Variants in SMURF2 observed in about 807,000 individuals in gnomAD.
SMURF2 encodes the protein SMAD specific E3 ubiquitin protein ligase 2, also known as E3 ubiquitin-protein ligase SMURF2.
A neutral mutation model predicts 109.6 loss-of-function variants in SMURF2; 48 were observed. The observed-to-expected ratio is 0.44, with a 90% CI of 0.35 to 0.56. The LOEUF (loss-of-function observed/expected upper bound fraction) is 0.56, where lower values mean the gene tolerates loss of function less well. Among genes scored for constraint, SMURF2 ranks in the 20% least tolerant of loss-of-function variants. The probability of loss-of-function intolerance (pLI) is 0.01; values close to 1 mark genes in which losing one functional copy is unlikely to be tolerated. For synonymous variants in SMURF2, 288 were observed against 317.1 expected, an observed-to-expected ratio of 0.91 and a Z score of 0.97; for missense variants, 575 against 909.0, an observed-to-expected ratio of 0.63 and a Z score of 4.72.
intron 9 of SMURF2, among the ~76,000 whole-genome samples, chr17:64,577,941 CTTTT>C (rs1157721982): frequency 1.7e-5 from 2 of 121,208 alleles, no homozygotes; most frequent in Middle Eastern, 4.2e-3. Context: ...TTTCATTCCA[CTTTT>C]TTTTTTTTTT....
intron 1 of SMURF2, among the ~76,000 whole-genome samples, chr17:64,607,417 G>A (rs934003354): frequency 4.0e-5 from 6 of 151,826 alleles, no homozygotes; most frequent in Non-Finnish European, 7.4e-5. Flanking sequence ...CACAATGTCA[G>A]GAGTTCGAGA....
At chr17:64,653,628 T>C (rs1178639453) in intron 1 of SMURF2, among the ~76,000 whole-genome samples, 1 of 152,046 alleles carries the variant, frequency 6.6e-6, no homozygotes, top group Admixed American at 6.6e-5. Flanking sequence ...CTGTATTTTT[T>C]GTAGAGACGG....
chr17:64,628,902 C>T (rs1970301058), intron 1 of SMURF2, among the ~76,000 whole-genome samples: 3 of 152,286 alleles, frequency 2.0e-5, no homozygotes, highest in Admixed American at 6.5e-5. Flanking sequence ...TATCACAGTT[C>T]TATCTCCTCC....
At chr17:64,553,717 T>G (rs782381343) in intron 15 of SMURF2, among the ~76,000 whole-genome samples, 3 of 152,212 alleles carry the variant, frequency 2.0e-5, no homozygotes, top group Non-Finnish European at 4.4e-5. Context: ...ATTGACCGTC[T>G]TTCCCCGTAT....
At chr17:64,586,568 G>A (rs1969658489) in intron 5 of SMURF2, among the ~76,000 whole-genome samples, 1 of 151,184 alleles carries the variant, frequency 6.6e-6, no homozygotes. Flanking sequence ...CTAACACAGG[G>A]TGAAATCCCG....
At chr17:64,660,900 T>C (rs1331840382) in intron 1 of SMURF2, 1 of 152,126 alleles carries the variant, frequency 6.6e-6, no homozygotes, top group African/African-American at 2.4e-5. Flanking sequence ...AAGCAAAACG[T>C]ACCTGTAATG....
intron 1 of SMURF2, among the ~76,000 whole-genome samples, chr17:64,620,036 A>G (rs1555690505): frequency 2.6e-5 from 4 of 152,184 alleles, no homozygotes; most frequent in Admixed American, 1.3e-4. Context: ...CAGCTTCCCT[A>G]GTGAACCTGC....
intron 1 of SMURF2, among the ~76,000 whole-genome samples, chr17:64,652,464 T>A (rs1970653303): frequency 6.6e-6 from 1 of 152,174 alleles, no homozygotes; most frequent in Non-Finnish European, 1.5e-5. Flanking sequence ...AGAAATAGAA[T>A]TCTATGTATA....
At chr17:64,630,079 T>C (rs911678448) in intron 1 of SMURF2, among the ~76,000 whole-genome samples, 1 of 151,756 alleles carries the variant, frequency 6.6e-6, no homozygotes, top group Admixed American at 6.6e-5. Flanking sequence ...CTACTAAAAA[T>C]ACAAAAATTA....
intron 5 of SMURF2, among the ~76,000 whole-genome samples, chr17:64,587,460 T>C (rs1426203223): frequency 1.3e-5 from 2 of 152,212 alleles, no homozygotes; most frequent in African/African-American, 4.8e-5. Context: ...TTAAATTATA[T>C]CTCTGAAGTC....
intron 5 of SMURF2, among the ~76,000 whole-genome samples, chr17:64,588,436 A>G (rs149635087): frequency 1.6e-4 from 24 of 152,210 alleles, no homozygotes; most frequent in African/African-American, 5.8e-4. Context: ...TGATATATCT[A>G]TATACTTCAT....
chr17:64,570,429 G>A (rs1969381101), intron 10 of SMURF2, among the ~76,000 whole-genome samples: 1 of 152,152 alleles, frequency 6.6e-6, no homozygotes, highest in Non-Finnish European at 1.5e-5. Flanking sequence ...TGCCAGAAGT[G>A]TTGAAAAAGA....
At chr17:64,579,778 T>G (rs1486166363) in intron 8 of SMURF2, among the ~76,000 whole-genome samples, 2 of 152,190 alleles carry the variant, frequency 1.3e-5, no homozygotes, top group African/African-American at 4.8e-5. Context: ...AGGATAAAAT[T>G]GAGGCTCAAA....
At position 64,638,062 on chromosome 17, in the gene SMURF2, CTTTTTT is replaced by C. The variant is rs1195172818; in HGVS notation, c.52+23761_52+23766del. ...CATGAGTTTTTTTTTTTTCCTTTTT[CTTTTTT>C]TTTTTTTTTTTTTTGACAGAGTCTC... is the stretch of plus-strand genomic sequence containing the variant. On this transcript the variant is annotated intron_variant, in intron 1 of 18. Transcript: ENST00000262435. Among the ~76,000 whole-genome samples the C allele has an allele frequency of 4.5e-3, 460 of 102,434 alleles. 2 individuals are homozygous for C. Among genetic ancestry groups the C allele is most frequent in the African/African-American group, 0.018 (435 of 24,298 alleles). The allele number at this position is 102,434 out of a possible 152,430, so 67.2% of individuals were successfully genotyped here.
At chr17:64,595,385 G>C (rs1969803258) in intron 3 of SMURF2, among the ~76,000 whole-genome samples, 1 of 152,138 alleles carries the variant, frequency 6.6e-6, no homozygotes, top group Non-Finnish European at 1.5e-5. Context: ...TCACTTTAAT[G>C]AAACCTCATG....
At chr17:64,658,974 G>A (rs1970738808) in intron 1 of SMURF2, among the ~76,000 whole-genome samples, 1 of 152,194 alleles carries the variant, frequency 6.6e-6, no homozygotes, top group South Asian at 2.1e-4. Flanking sequence ...CCAACTGCCT[G>A]AGGAATCTAA....
intron 10 of SMURF2, among the ~76,000 whole-genome samples, chr17:64,571,387 A>G (rs1969396995): frequency 6.6e-6 from 1 of 151,886 alleles, no homozygotes; most frequent in African/African-American, 2.4e-5. Context: ...AAAGTAAATT[A>G]TAACTGATGA....
At chr17:64,604,813 G>A (rs1268858268) in intron 2 of SMURF2, among the ~76,000 whole-genome samples, 12 of 151,858 alleles carry the variant, frequency 7.9e-5, no homozygotes, top group Admixed American at 5.9e-4. Context: ...GCGTGTTGGC[G>A]TGCACCTGTA....
At chr17:64,656,073 A>G (rs564367095) in intron 1 of SMURF2, among the ~76,000 whole-genome samples, 17 of 152,348 alleles carry the variant, frequency 1.1e-4, no homozygotes, top group Admixed American at 3.3e-4. Flanking sequence ...CTAAATAGCA[A>G]TTGCAGGGGA....
Sources: allele counts gnomAD v4.1 joint callset (sites outside exome capture counted in the v4.1 genomes callset), GRCh38; gene constraint gnomAD v4.1.1; transcripts MANE v1.5; gene names NCBI Gene and HGNC (gene_info 2026-07-23, HGNC 2026-07-21).